NDST4: variants seen among roughly 807,000 people sequenced by gnomAD.
NDST4 encodes the protein N-deacetylase and N-sulfotransferase 4.
NDST4 carries 63 observed loss-of-function variants against 100.8 expected under a neutral mutation model. The ratio of observed to expected loss-of-function variants is 0.62; its 90% CI spans 0.51 to 0.77. The LOEUF is 0.77. Ranked by LOEUF, NDST4 falls within the 30% of genes least tolerant of loss-of-function variation. The pLI is 0.00. For missense variants in NDST4, 943 were observed against 1,018.4 expected (o/e 0.93, Z 1.01); for synonymous variants, 377 against 361.8 (o/e 1.04, Z -0.48).
chr4:114,947,822 C>T (rs1349300821), intron 4 of NDST4, among the ~76,000 whole-genome samples: 3 of 152,022 alleles, frequency 2.0e-5, no homozygotes, highest in African/African-American at 7.2e-5. Flanking sequence ...ATGTGCAGCA[C>T]ACAAATAAAA....
At chr4:115,024,379 T>C (rs971833351) in intron 2 of NDST4, among the ~76,000 whole-genome samples, 1 of 152,134 alleles carries the variant, frequency 6.6e-6, no homozygotes, top group African/African-American at 2.4e-5. Flanking sequence ...TGGGGCTGCC[T>C]GAGGCCTTGG....
chr4:114,937,168 G>A lies in NDST4; in HGVS notation c.1407+150C>T, dbSNP rs111320138. The A allele has an allele frequency of 3.4e-3, 2,832 of 826,184 alleles. 24 individuals carry two copies. The highest frequency in any genetic ancestry group is 0.024 in the African/African-American group (1,418 of 58,498). 51.2% of individuals were successfully genotyped at this position (826,184 alleles called of 1,614,324 possible). ...GCCTATCACCAAAAGATGGGTTAAT[G>A]CATAACCAGTCACCATTGAGATATG... On this transcript the variant is annotated intron_variant, in intron 5 of 13. Transcript: ENST00000264363.
chr4:114,932,992 A>C (rs935215297), intron 6 of NDST4, among the ~76,000 whole-genome samples: 1 of 152,124 alleles, frequency 6.6e-6, no homozygotes, highest in African/African-American at 2.4e-5. Context: ...CTATGGATTC[A>C]CAAAAGACCC....
chr4:114,918,234 A>G (rs570724382), intron 6 of NDST4, among the ~76,000 whole-genome samples: 1 of 152,194 alleles, frequency 6.6e-6, no homozygotes, highest in South Asian at 2.1e-4. Flanking sequence ...CTCATGGCTA[A>G]CTGGGAAGCT....
intron 2 of NDST4, among the ~76,000 whole-genome samples, chr4:115,055,007 C>T (rs1171342525): frequency 6.6e-6 from 1 of 152,136 alleles, no homozygotes; most frequent in East Asian, 1.9e-4. Context: ...GTGTTTACAG[C>T]TGCTCCCATC....
chr4:114,926,535 G>T (rs1309147248), intron 6 of NDST4, among the ~76,000 whole-genome samples: 1 of 151,816 alleles, frequency 6.6e-6, no homozygotes, highest in Non-Finnish European at 1.5e-5. Flanking sequence ...ATCTCTGAAT[G>T]CCAGTGAGAG....
At chr4:114,930,065 G>A (rs1725481265) in intron 6 of NDST4, among the ~76,000 whole-genome samples, 1 of 152,066 alleles carries the variant, frequency 6.6e-6, no homozygotes. Context: ...TCTCAGTAAG[G>A]GAAGGAATGA....
At chr4:115,092,699 C>T (rs1352648628) in intron 1 of NDST4, among the ~76,000 whole-genome samples, 2 of 151,700 alleles carry the variant, frequency 1.3e-5, no homozygotes, top group Non-Finnish European at 2.9e-5. Flanking sequence ...TCTAGTGAAA[C>T]CAATAAAGAA....
chr4:115,040,041 GAATA>G (rs1441470412), intron 2 of NDST4, among the ~76,000 whole-genome samples: 1 of 151,414 alleles, frequency 6.6e-6, no homozygotes, highest in African/African-American at 2.4e-5. Context: ...GTTTTTTGAT[GAATA>G]AATAAATTTT....
intron 2 of NDST4, among the ~76,000 whole-genome samples, chr4:114,979,395 GT>G (rs149838340): frequency 3.4e-5 from 5 of 145,214 alleles, no homozygotes; most frequent in Admixed American, 1.4e-4. Context: ...CATGTTACTG[GT>G]TTTTTTTTGC....
chr4:114,986,640 T>C (rs1726907326), intron 2 of NDST4, among the ~76,000 whole-genome samples: 3 of 151,800 alleles, frequency 2.0e-5, no homozygotes, highest in Non-Finnish European at 4.4e-5. Context: ...CTGGTTTCTG[T>C]TTCCCATGCT....
chr4:115,043,417 A>T (rs900658279), intron 2 of NDST4, among the ~76,000 whole-genome samples: 20 of 152,058 alleles, frequency 1.3e-4, no homozygotes, highest in African/African-American at 4.8e-4. Context: ...CTCATTGGCA[A>T]TTGTGCATTA....
At chr4:115,091,523 A>ATTGTGGCT (rs1729518950) in intron 1 of NDST4, among the ~76,000 whole-genome samples, 1 of 152,134 alleles carries the variant, frequency 6.6e-6, no homozygotes, top group African/African-American at 2.4e-5. Context: ...ATAACTTAAA[A>ATTGTGGCT]TTGTGGCTAC....
At position 115,100,805 on chromosome 4, in the gene NDST4, CTTTT is replaced by C. The variant is rs58968400; in HGVS notation, c.-247+12635_-247+12638del. Among the ~76,000 whole-genome samples, 666 of 147,648 alleles carry C rather than the reference CTTTT, an allele frequency of 4.5e-3. 3 individuals are homozygous for C. Among genetic ancestry groups the C allele is most frequent in the African/African-American group, 0.013 (544 of 40,436 alleles). On this transcript the variant is annotated intron_variant, in intron 1 of 13. Coordinates refer to ENST00000264363, the MANE Select transcript of NDST4 (RefSeq NM_022569.3). ...CTCGTTTCTGACAAATGCTTCACTCCTTTTTTTTTTTTTTCCCTCCTGCTCTGCC... is the reference window on the plus strand; with the variant it reads ...CTCGTTTCTGACAAATGCTTCACTCCTTTTTTTTTTCCCTCCTGCTCTGCC...
intron 1 of NDST4, among the ~76,000 whole-genome samples, chr4:115,111,881 T>A (rs1193611637): frequency 1.3e-5 from 2 of 151,892 alleles, no homozygotes; most frequent in Non-Finnish European, 2.9e-5. Context: ...TTAATATTGA[T>A]CATCATAATG....
At chr4:115,068,059 C>T (rs1037333699) in intron 2 of NDST4, among the ~76,000 whole-genome samples, 13 of 152,030 alleles carry the variant, frequency 8.6e-5, no homozygotes, top group Admixed American at 8.5e-4. Context: ...CATGTCCCTA[C>T]AAAGAGAAGA....
chr4:114,891,206 C>T (rs1724589543), intron 6 of NDST4, among the ~76,000 whole-genome samples: 1 of 152,038 alleles, frequency 6.6e-6, no homozygotes, highest in Non-Finnish European at 1.5e-5. Context: ...CTTCTCTTCA[C>T]CTGAAAAGTC....
intron 6 of NDST4, among the ~76,000 whole-genome samples, chr4:114,880,791 C>T (rs1327732778): frequency 1.3e-5 from 2 of 152,092 alleles, no homozygotes; most frequent in East Asian, 3.9e-4. Flanking sequence ...TTCTGTTGTT[C>T]TATAATATCA....
At position 115,039,325 on chromosome 4, in the gene NDST4, T is replaced by C. The variant is rs201636494; in HGVS notation, c.978+36734A>G. On this transcript the variant is annotated intron_variant, in intron 2 of 13. Transcript: ENST00000264363. Reference sequence around the variant, plus strand: ...TGCTAGAGCTAGAAAGGTTTTTATGTATTTCTTTTCACTAAATTTAGCCTA... The same window carrying C: ...TGCTAGAGCTAGAAAGGTTTTTATGCATTTCTTTTCACTAAATTTAGCCTA... 3.9e-5 allele frequency among the ~76,000 whole-genome samples: 6 copies of C among 152,260 alleles called. No homozygotes were observed. The East Asian group carries it at 1.2e-3, about 29-fold the overall frequency.
Sources: allele counts gnomAD v4.1 joint callset (sites outside exome capture counted in the v4.1 genomes callset), GRCh38; gene constraint gnomAD v4.1.1; transcripts MANE v1.5; gene names NCBI Gene and HGNC (gene_info 2026-07-23, HGNC 2026-07-21).